ZNF462: variants seen among roughly 807,000 people sequenced by gnomAD.
ZNF462 encodes the protein zinc finger protein 462, also known as zinc finger PBX1-interacting protein.
In ZNF462, 10 loss-of-function variants were observed where a neutral mutation model predicts 201.9. The observed-to-expected ratio is 0.05, with a 90% CI of 0.03 to 0.08. The LOEUF is 0.08. ZNF462 is among the 10% of genes least tolerant of loss of function. The probability of loss-of-function intolerance (pLI) is 1.00; values close to 1 mark genes in which losing one functional copy is unlikely to be tolerated. For synonymous variants in ZNF462, 1,227 were observed against 1,193.3 expected (o/e 1.03, Z -0.58); for missense variants, 2,523 against 3,168.3 (o/e 0.80, Z 4.89).
chr9:106,945,657 A>G (rs1831073494), intron 7 of ZNF462, among the ~76,000 whole-genome samples: 1 of 152,220 alleles, frequency 6.6e-6, no homozygotes, highest in Non-Finnish European at 1.5e-5. Flanking sequence ...TCTCAAAATT[A>G]TCTGACCAGA....
At position 106,928,692 on chromosome 9, in the gene ZNF462, A is replaced by C; in HGVS notation, c.4780A>C (p.Ile1594Leu). 6.2e-7 allele frequency: 1 copy of C among 1,614,138 alleles called. No individual in the cohort carries two copies. The highest frequency in any genetic ancestry group is 8.5e-7 in the Non-Finnish European group (1 of 1,180,024). ...YTHGTLEKLKIHYEKYHNQPE... is the reference protein window; with the variant it reads ...YTHGTLEKLKLHYEKYHNQPE... The stretch of plus-strand genomic sequence containing the variant: ...ACACGGCACTTTGGAGAAACTAAAA[A>C]TCCACTACGAGAAGTATCACAATCA... The change falls in exon 3 of 13, where the codon ATC becomes CTC. Residue 1594 changes from isoleucine to leucine, a missense_variant. Physicochemically the swap from Ile to Leu is conservative, Grantham distance 5. Transcript: ENST00000277225. The surrounding 1 kb of genome is among the most constrained non-coding windows in gnomAD (Gnocchi z 9.3).
At chr9:106,884,509 C>T (rs558316319) in intron 1 of ZNF462, among the ~76,000 whole-genome samples, 9 of 152,224 alleles carry the variant, frequency 5.9e-5, no homozygotes, top group African/African-American at 2.2e-4. Flanking sequence ...AATGTCATCT[C>T]GGTGACAGGC....
intron 10 of ZNF462, among the ~76,000 whole-genome samples, chr9:106,998,370 C>T (rs2132547800): frequency 6.6e-6 from 1 of 152,252 alleles, no homozygotes; most frequent in Non-Finnish European, 1.5e-5. Context: ...ACTGGGTTTG[C>T]TATCCTAGTA....
At chr9:106,953,995 C>T (rs1831468084) in intron 7 of ZNF462, among the ~76,000 whole-genome samples, 1 of 152,098 alleles carries the variant, frequency 6.6e-6, no homozygotes, top group African/African-American at 2.4e-5. Context: ...CCTTCCCATC[C>T]TCATCTCTTA....
intron 10 of ZNF462, among the ~76,000 whole-genome samples, chr9:107,001,620 A>G (rs999659810): frequency 1.3e-5 from 2 of 152,148 alleles, no homozygotes; most frequent in African/African-American, 2.4e-5. Flanking sequence ...TAAAAGCCCT[A>G]GTTAGTAAGG....
chr9:106,926,394 G>A lies in ZNF462; in HGVS notation c.2482G>A (p.Glu828Lys). 1 of 1,614,146 alleles carries A rather than the reference G, an allele frequency of 6.2e-7. No individual in the cohort carries two copies. Among genetic ancestry groups the A allele is most frequent in the Non-Finnish European group, 8.5e-7 (1 of 1,180,026 alleles). The change falls in exon 3 of 13, where the codon GAG (glutamate) becomes AAG (lysine). Residue 828 changes from glutamate to lysine, a missense_variant. Coordinates refer to ENST00000277225, the MANE Select transcript of ZNF462 (RefSeq NM_021224.6). The surrounding 1 kb of genome is among the most constrained non-coding windows in gnomAD (Gnocchi z 7.9). ...LNTQTPIYGTEHNSENTDFGD... is the reference protein window; with the variant it reads ...LNTQTPIYGTKHNSENTDFGD... ...TACCCAAACTCCCATCTATGGGACT[G>A]AGCACAATAGTGAAAACACAGACTT...
upstream of ZNF462, among the ~76,000 whole-genome samples, chr9:106,860,844 C>T (rs1827046647): frequency 6.6e-6 from 1 of 152,056 alleles, no homozygotes; most frequent in Admixed American, 6.5e-5. This position sits in a 1 kb window ranked among gnomAD's most constrained non-coding sequence, Gnocchi z 7.1. Flanking sequence ...TTCCCTAGGT[C>T]CCTCCGGGCA....
At chr9:106,959,299 G>A (rs942621459) in intron 7 of ZNF462, among the ~76,000 whole-genome samples, 4 of 152,112 alleles carry the variant, frequency 2.6e-5, no homozygotes, top group Admixed American at 1.3e-4. Flanking sequence ...GCCTAGAGCT[G>A]GGATGAATAC....
At chr9:107,007,908 C>T (rs939565444) in intron 11 of ZNF462, among the ~76,000 whole-genome samples, 1 of 152,072 alleles carries the variant, frequency 6.6e-6, no homozygotes, top group African/African-American at 2.4e-5. Flanking sequence ...ACAAGTGTAC[C>T]AGGAACATTA....
Position 106,968,798 on chromosome 9 carries a change from T to G in ZNF462, c.6428-3207T>G, listed in dbSNP as rs1237563113. Among the ~76,000 whole-genome samples, 3 of 152,242 alleles carry G rather than the reference T, an allele frequency of 2.0e-5. No individual in the cohort carries two copies. The highest frequency in any genetic ancestry group is 2.9e-5 in the Non-Finnish European group (2 of 68,042). ...CCCAACACAAGGATATTTTTAACCT[T>G]TCTTTCCTTAAGCTCAAAATGAAAG... On this transcript the variant is annotated intron_variant, in intron 7 of 12. Transcript: ENST00000277225. This position sits in a 1 kb window ranked among gnomAD's most constrained non-coding sequence, Gnocchi z 4.0.
rs910446256 is a variant in ZNF462, at chr9:106,932,987, C to A, written c.6116+438C>A. On this transcript the variant is annotated intron_variant, in intron 5 of 12. Transcript: ENST00000277225. The surrounding 1 kb of genome is among the most constrained non-coding windows in gnomAD (Gnocchi z 6.8). Reference sequence around the variant, plus strand: ...CATTGCTTGCAATTTTTCAAAAGATCTTGAAAGGTAAAGAAGTTCATGGAT... The same window carrying A: ...CATTGCTTGCAATTTTTCAAAAGATATTGAAAGGTAAAGAAGTTCATGGAT... 6.6e-6 allele frequency among the ~76,000 whole-genome samples: 1 copy of A among 152,186 alleles called. No homozygotes were observed. Among genetic ancestry groups the A allele is most frequent in the Non-Finnish European group, 1.5e-5 (1 of 68,038 alleles).
intron 7 of ZNF462, among the ~76,000 whole-genome samples, chr9:106,965,472 G>C (rs1832032085): frequency 6.6e-6 from 1 of 152,048 alleles, no homozygotes; most frequent in Non-Finnish European, 1.5e-5. Flanking sequence ...AAGGGGTAGG[G>C]AAGGCAGGAC....
chr9:106,925,395 A>G lies in ZNF462; in HGVS notation c.1483A>G (p.Thr495Ala), dbSNP rs1830148662. ...GGCTCACAAACAGTGTCACACGGGT[A>G]CAACGTCAGATTGGGATGCTGTGAA... is the stretch of plus-strand genomic sequence containing the variant. The part of the protein sequence containing the change: ...LGAHKQCHTG[T>A]TSDWDAVNSQ... The change falls in exon 3 of 13, where the codon ACA becomes GCA. Residue 495 changes from threonine (T) to alanine (A), a missense_variant. Thr to Ala is a moderately conservative substitution (Grantham distance 58, BLOSUM62 0). Around this residue, in one of 15 missense-constraint regions of ZNF462, gnomAD observed 383 missense variants for 453.4 expected, o/e 0.84. Coordinates refer to ENST00000277225, the MANE Select transcript of ZNF462 (RefSeq NM_021224.6). This position sits in a 1 kb window ranked among gnomAD's most constrained non-coding sequence, Gnocchi z 7.9. The G allele has an allele frequency of 6.2e-7, 1 of 1,614,234 alleles. No homozygotes were observed.
rs1829993725 is a variant in ZNF462 at position 107,012,732 on chromosome 9, C to CTTTTT, written c.*1704_*1705insTTTTT. On this transcript the variant is annotated 3_prime_UTR_variant, in exon 13 of 13. Coordinates refer to ENST00000277225, the MANE Select transcript of ZNF462 (RefSeq NM_021224.6). ...TCATGTTTTTTTTTTTTTTTTTTTA[C>CTTTTT]TTGGAAGGGTTGTGGGAGGGTGGGA... 4 of 21,818 alleles carry CTTTTT rather than the reference C, an allele frequency of 1.8e-4. No individual in the cohort carries two copies. Among genetic ancestry groups the CTTTTT allele is most frequent in the African/African-American group, 8.3e-4 (4 of 4,794 alleles). 1.4% of individuals were successfully genotyped at this position (21,818 alleles called of 1,614,324 possible).
intron 1 of ZNF462, among the ~76,000 whole-genome samples, chr9:106,918,191 T>C (rs778328530): frequency 2.8e-4 from 42 of 152,166 alleles, no homozygotes; most frequent in Non-Finnish European, 5.4e-4. Context: ...TTTATTGTTT[T>C]ACACTATAAC....
At chr9:106,863,099 AGAGG>A (rs1198594852), upstream of ZNF462, 21 of 388,666 alleles carry the variant, frequency 5.4e-5, no homozygotes, top group Middle Eastern at 6.5e-4. Flanking sequence ...AGTGAGAGGG[AGAGG>A]GAGGGAGGGA....
At chr9:106,882,750 G>GA (rs146020781) in intron 1 of ZNF462, among the ~76,000 whole-genome samples, 2,296 of 152,268 alleles carry the variant, frequency 0.015, 67 homozygotes, top group African/African-American at 0.052. Flanking sequence ...GGTTCTGGAG[G>GA]AAACTCATTT....
At position 106,895,817 on chromosome 9, in the gene ZNF462, G is replaced by A. The variant is rs1828787111; in HGVS notation, c.-30-27537G>A. 6.6e-6 allele frequency among the ~76,000 whole-genome samples: 1 copy of A among 152,012 alleles called. No individual in the cohort carries two copies. Among genetic ancestry groups the A allele is most frequent in the Admixed American group, 6.5e-5 (1 of 15,268 alleles). ...CCTGTAATGCCATCTTTTTGGGGGTGGGAATATGTATTGGGTTCTTCTTTC... is the reference window on the plus strand; with the variant it reads ...CCTGTAATGCCATCTTTTTGGGGGTAGGAATATGTATTGGGTTCTTCTTTC... On this transcript the variant is annotated intron_variant, in intron 1 of 12. Coordinates refer to ENST00000277225, the MANE Select transcript of ZNF462 (RefSeq NM_021224.6). The surrounding 1 kb of genome is among the most constrained non-coding windows in gnomAD (Gnocchi z 4.4).
chr9:106,877,394 T>C (rs1009259089), intron 1 of ZNF462, among the ~76,000 whole-genome samples: 2 of 151,070 alleles, frequency 1.3e-5, no homozygotes, highest in Non-Finnish European at 2.9e-5. Context: ...TTATCATTAT[T>C]ATTACTATTT....
Sources: allele counts gnomAD v4.1 joint callset (sites outside exome capture counted in the v4.1 genomes callset), GRCh38; gene constraint gnomAD v4.1.1; regional missense constraint gnomAD v4.1.1; non-coding constraint Gnocchi (gnomAD v3.1); transcripts MANE v1.5; gene names NCBI Gene and HGNC (gene_info 2026-07-23, HGNC 2026-07-21).